Variants in ZBTB46 observed in about 807,000 individuals in gnomAD.
ZBTB46 encodes zinc finger and BTB domain-containing protein 46.
Under a neutral mutation model 44.1 loss-of-function variants are expected in ZBTB46, and 8 were observed. The observed-to-expected ratio is 0.18, with a 90% CI of 0.11 to 0.33. The LOEUF (loss-of-function observed/expected upper bound fraction) is 0.33, where lower values mean the gene tolerates loss of function less well. Among genes scored for constraint, ZBTB46 ranks in the 10% least tolerant of loss-of-function variants. ZBTB46 has a pLI of 1.00. For synonymous variants in ZBTB46, 409 were observed against 382.3 expected, an observed-to-expected ratio of 1.07 and a Z score of -0.81; for missense variants, 651 against 847.7, an observed-to-expected ratio of 0.77 and a Z score of 2.88.
At chr20:63,794,529 C>T (rs549237788) in intron 1 of ZBTB46, among the ~76,000 whole-genome samples, 23 of 152,276 alleles carry the variant, frequency 1.5e-4, no homozygotes, top group African/African-American at 5.5e-4. Flanking sequence ...TAGTCAGCTA[C>T]GGAAATATTA....
At chr20:63,771,579 C>T (rs575748259) in intron 3 of ZBTB46, among the ~76,000 whole-genome samples, 7 of 152,308 alleles carry the variant, frequency 4.6e-5, no homozygotes, top group South Asian at 4.1e-4. Flanking sequence ...AACTCTGAGG[C>T]GCTCCTCCAC....
At chr20:63,749,844 G>A (rs1350193632) in intron 4 of ZBTB46, among the ~76,000 whole-genome samples, 1 of 152,246 alleles carries the variant, frequency 6.6e-6, no homozygotes, top group Admixed American at 6.5e-5. Flanking sequence ...AGCTTGGGGT[G>A]GCACAGGGAC....
At chr20:63,792,429 T>C (rs6062320) in intron 1 of ZBTB46, among the ~76,000 whole-genome samples, 5 of 105,336 alleles carry the variant, frequency 4.7e-5, no homozygotes, top group African/African-American at 1.2e-4. Context: ...GGGGACGGGG[T>C]CGGGGGCTCA....
intron 1 of ZBTB46, among the ~76,000 whole-genome samples, chr20:63,827,687 C>T (rs907754681): frequency 2.0e-5 from 3 of 151,388 alleles, no homozygotes; most frequent in Non-Finnish European, 4.4e-5. Flanking sequence ...TAATGTTTCT[C>T]AACTTTCTAT....
chr20:63,793,182 A>T (rs1006823815), intron 1 of ZBTB46, among the ~76,000 whole-genome samples: 1 of 152,116 alleles, frequency 6.6e-6, no homozygotes, highest in African/African-American at 2.4e-5. Context: ...CCCGCCCCAC[A>T]CTGGCCCCGG....
intron 3 of ZBTB46, chr20:63,768,149 TAAAG>T (rs1351474924): frequency 2.0e-6 from 2 of 984,914 alleles, no homozygotes; most frequent in African/African-American, 3.5e-5. Flanking sequence ...TAATTCTCAA[TAAAG>T]AGACACTCAA....
intron 3 of ZBTB46, among the ~76,000 whole-genome samples, chr20:63,774,945 T>C (rs2092411362): frequency 6.6e-6 from 1 of 152,058 alleles, no homozygotes; most frequent in Non-Finnish European, 1.5e-5. Context: ...CCTCGTGGTC[T>C]GCCCGCCTCA....
chr20:63,750,000 A>G (rs978847538), intron 4 of ZBTB46, among the ~76,000 whole-genome samples: 2 of 152,198 alleles, frequency 1.3e-5, no homozygotes, highest in Non-Finnish European at 2.9e-5. Context: ...CACCCTCCAA[A>G]TGTGGCCCTG....
rs1390005102 is a variant in ZBTB46 at position 63,743,791 on chromosome 20, C to A, written c.*3139G>T. 1 of 152,514 alleles carries A rather than the reference C, an allele frequency of 6.6e-6. No homozygotes were observed. The highest frequency in any genetic ancestry group is 1.5e-5 in the Non-Finnish European group (1 of 68,062). 9.4% of individuals were successfully genotyped at this position (152,514 alleles called of 1,614,324 possible). A position where few individuals can be genotyped will look rare whatever the true frequency, so the allele number is the denominator to read the frequency against. On this transcript the variant is annotated 3_prime_UTR_variant, in exon 5 of 5. Transcript: ENST00000245663. Reference sequence around the variant, plus strand: ...GAAACTTGGAGACTCACCGCAGAGGCCACGTGAACCCACGGCCACAGAGAG... The same window carrying A: ...GAAACTTGGAGACTCACCGCAGAGGACACGTGAACCCACGGCCACAGAGAG...
chr20:63,784,361 T>C (rs924509199), intron 2 of ZBTB46, among the ~76,000 whole-genome samples: 2 of 152,198 alleles, frequency 1.3e-5, no homozygotes, highest in Non-Finnish European at 2.9e-5. Flanking sequence ...CGAGAGGCCA[T>C]TGTCCCCCAT....
At chr20:63,781,396 G>T (rs1025996899) in intron 2 of ZBTB46, among the ~76,000 whole-genome samples, 1 of 152,154 alleles carries the variant, frequency 6.6e-6, no homozygotes, top group African/African-American at 2.4e-5. Flanking sequence ...CGGTCACCAC[G>T]TAGACAGCCC....
intron 3 of ZBTB46, among the ~76,000 whole-genome samples, chr20:63,762,085 ATC>A (rs753626965): frequency 1.3e-5 from 2 of 152,214 alleles, no homozygotes; most frequent in Non-Finnish European, 2.9e-5. Flanking sequence ...TACAGCCAGT[ATC>A]TCTATGAACA....
chr20:63,748,177 G>A (rs939580332), intron 4 of ZBTB46, among the ~76,000 whole-genome samples: 1 of 152,256 alleles, frequency 6.6e-6, no homozygotes, highest in Non-Finnish European at 1.5e-5. Flanking sequence ...CAAGAAGAGA[G>A]ATGAGCACTT....
At chr20:63,774,012 T>C (rs1013442965) in intron 3 of ZBTB46, among the ~76,000 whole-genome samples, 5 of 143,760 alleles carry the variant, frequency 3.5e-5, no homozygotes, top group African/African-American at 1.3e-4. Context: ...TTAGAAACGC[T>C]ATTTTGTTTG....
chr20:63,773,659 G>A (rs2092395304), intron 3 of ZBTB46, among the ~76,000 whole-genome samples: 1 of 151,234 alleles, frequency 6.6e-6, no homozygotes, highest in African/African-American at 2.4e-5. Context: ...ATGTGCCACC[G>A]GCCGCACCCA....
intron 3 of ZBTB46, among the ~76,000 whole-genome samples, chr20:63,764,470 G>A (rs942121547): frequency 6.6e-6 from 1 of 151,994 alleles, no homozygotes. Context: ...TATTTTTGTT[G>A]GGTATAGAGT....
intron 1 of ZBTB46, among the ~76,000 whole-genome samples, chr20:63,804,660 A>G (rs1265966235): frequency 5.3e-5 from 8 of 152,026 alleles, no homozygotes; most frequent in Non-Finnish European, 1.2e-4. Flanking sequence ...TTGGGAGGCC[A>G]AGGCAGGTGG....
At chr20:63,800,744 G>T (rs184609237) in intron 1 of ZBTB46, among the ~76,000 whole-genome samples, 71 of 152,370 alleles carry the variant, frequency 4.7e-4, no homozygotes, top group Non-Finnish European at 8.8e-4. Context: ...CGCTGTGCTT[G>T]ATTTCTCGCC....
intron 1 of ZBTB46, among the ~76,000 whole-genome samples, chr20:63,816,009 C>G (rs1381144758): frequency 2.2e-5 from 3 of 136,678 alleles, no homozygotes; most frequent in Non-Finnish European, 3.1e-5. Context: ...CAGGTGGGCA[C>G]AGGTGCAGTG....
Sources: gnomAD v4.1 joint callset for allele counts (sites outside exome capture counted in the v4.1 genomes callset) on GRCh38, gnomAD v4.1.1 for gene constraint, MANE v1.5 for transcripts, NCBI Gene and HGNC (gene_info 2026-07-23, HGNC 2026-07-21) for gene names.